TNKS2: variants seen among roughly 807,000 people sequenced by gnomAD.
TNKS2 encodes the protein poly [ADP-ribose] polymerase tankyrase-2.
TNKS2 carries 72 observed loss-of-function variants against 137.6 expected under a neutral mutation model. The ratio of observed to expected loss-of-function variants is 0.52; its 90% CI spans 0.43 to 0.64. TNKS2 has a LOEUF of 0.64. Among genes scored for constraint, TNKS2 ranks in the 30% least tolerant of loss-of-function variants. The pLI is 0.00. For synonymous variants in TNKS2, 516 were observed against 512.1 expected, an observed-to-expected ratio of 1.01 and a Z score of -0.10; for missense variants, 1,049 against 1,410.2, an observed-to-expected ratio of 0.74 and a Z score of 4.10.
Position 91,855,131 on chromosome 10 carries a change from G to A in TNKS2, c.2913+5G>A. On this transcript the variant is annotated splice_donor_5th_base_variant and intron_variant, in intron 22 of 26. Transcript: ENST00000371627. The stretch of plus-strand genomic sequence containing the variant: ...TTTCAGTCTGTGGAGGAAGAGGTAT[G>A]TTCATATAACTTCAATAGTAGGTTT... 1 of 1,559,686 alleles carries A rather than the reference G, an allele frequency of 6.4e-7. No homozygotes were observed. Among genetic ancestry groups the A allele is most frequent in the Non-Finnish European group, 8.8e-7 (1 of 1,131,458 alleles).
chr10:91,836,185 G>A (rs1842013974), intron 12 of TNKS2, among the ~76,000 whole-genome samples: 2 of 151,208 alleles, frequency 1.3e-5, no homozygotes, highest in South Asian at 4.2e-4. Flanking sequence ...TTTTGTTCTT[G>A]TTTAATGCTG....
At chr10:91,826,977 T>C in intron 7 of TNKS2, 40 bp from the exon 8 acceptor site, 1 of 1,432,288 alleles carries the variant, frequency 7.0e-7, no homozygotes, top group Middle Eastern at 1.9e-4. Context: ...CTGAATTCTT[T>C]TAAAAATTGA....
At chr10:91,852,328 T>C (rs10736065) in intron 21 of TNKS2, among the ~76,000 whole-genome samples, 106,152 of 151,740 alleles carry the variant, frequency 0.7, 38,281 homozygotes, top group East Asian at 0.91. Flanking sequence ...GAGGCCGAGG[T>C]GGGCAGATCA....
rs1183318682 is a variant in TNKS2, at chr10:91,828,607, C to A, written c.1104+201C>A. On this transcript the variant is annotated intron_variant, in intron 9 of 26. Coordinates refer to ENST00000371627, the MANE Select transcript of TNKS2 (RefSeq NM_025235.4). ...GCAGAAGCCAATGCTATTATCAGTT[C>A]GAGAATCCTCAGAAAAAAAAAATTA... Among the ~76,000 whole-genome samples, 4 of 151,888 alleles carry A rather than the reference C, an allele frequency of 2.6e-5. No individual in the cohort carries two copies. The South Asian group carries it at 8.3e-4, about 32-fold the overall frequency.
intron 1 of TNKS2, among the ~76,000 whole-genome samples, chr10:91,810,117 T>G (rs1844449423): frequency 6.6e-6 from 1 of 152,136 alleles, no homozygotes; most frequent in African/African-American, 2.4e-5. Context: ...GTGCGGTGGC[T>G]TGTGCCTGTA....
intron 16 of TNKS2, among the ~76,000 whole-genome samples, chr10:91,844,078 A>G (rs1347273173): frequency 6.6e-6 from 1 of 152,180 alleles, no homozygotes; most frequent in Non-Finnish European, 1.5e-5. Context: ...TGTGCTGTGC[A>G]TATTTATGTT....
intron 12 of TNKS2, among the ~76,000 whole-genome samples, chr10:91,836,267 A>G (rs1842016534): frequency 6.6e-6 from 1 of 151,980 alleles, no homozygotes; most frequent in East Asian, 1.9e-4. Flanking sequence ...CTGTTCAAAG[A>G]AGCTTTTTTA....
rs1170871325 is a variant in TNKS2, at chr10:91,841,463, T to G, written c.1839+15T>G. The G allele has an allele frequency of 6.3e-7, 1 of 1,581,864 alleles. No individual in the cohort carries two copies. The highest frequency in any genetic ancestry group is 1.4e-5 in the African/African-American group (1 of 73,542). ...TTCTGCTCCAGGTATATTTAAATACTTAACTGTAAAGAGTATGAATTACAT... is the reference window on the plus strand; with the variant it reads ...TTCTGCTCCAGGTATATTTAAATACGTAACTGTAAAGAGTATGAATTACAT... On this transcript the variant is annotated intron_variant, in intron 15 of 26. Coordinates refer to ENST00000371627, the MANE Select transcript of TNKS2 (RefSeq NM_025235.4).
chr10:91,845,888 C>T lies in TNKS2; in HGVS notation c.2306C>T (p.Ala769Val). The T allele has an allele frequency of 1.3e-6, 2 of 1,594,908 alleles. No homozygotes were observed. Among genetic ancestry groups the T allele is most frequent in the Non-Finnish European group, 1.7e-6 (2 of 1,165,658 alleles). ...QLCALLLAHG[A>V]DPTLKNQEGQ... The stretch of plus-strand genomic sequence containing the variant: ...TGTGCTTTGTTGCTAGCCCATGGAG[C>T]TGACCCGACTCTTAAAAATCAGGAA... Residue 769 changes from alanine (A) to valine (V), a missense_variant, in exon 18 of 27, where the codon GCT becomes GTT. Physicochemically the swap from Ala to Val is moderately conservative, Grantham distance 64 (BLOSUM62 0). This residue lies in a region of TNKS2 where 208 missense variants were observed against 231.2 expected (regional missense o/e 0.90). Coordinates refer to ENST00000371627, the MANE Select transcript of TNKS2 (RefSeq NM_025235.4).
intron 18 of TNKS2, among the ~76,000 whole-genome samples, chr10:91,846,498 G>T (rs1293975203): frequency 1.3e-5 from 2 of 152,232 alleles, no homozygotes; most frequent in Admixed American, 1.3e-4. Flanking sequence ...CATGGAGCAG[G>T]TGTAGGAGCT....
At position 91,798,855 on chromosome 10, in the gene TNKS2, G is replaced by C; in HGVS notation, c.165G>C (p.Ala55=). ...AGAAGGTGAACAGCCGCGACACGGC[G>C]GGCAGGAAATCCACCCCGCTGCACT... ...TPEKVNSRDT[A]GRKSTPLHFA... Residue 55 remains alanine, a synonymous_variant, in exon 1 of 27, where the codon GCG becomes GCC. Coordinates refer to ENST00000371627, the MANE Select transcript of TNKS2 (RefSeq NM_025235.4). 7.3e-7 allele frequency: 1 copy of C among 1,361,600 alleles called. No homozygotes were observed. Among genetic ancestry groups the C allele is most frequent in the Non-Finnish European group, 9.5e-7 (1 of 1,049,102 alleles). The allele number at this position is 1,361,600 out of a possible 1,614,324, so 84.3% of individuals were successfully genotyped here. A position where few individuals can be genotyped will look rare whatever the true frequency, so the allele number is the denominator to read the frequency against.
intron 22 of TNKS2, 134 bp from the exon 23 acceptor site, chr10:91,855,480 T>G: frequency 1.3e-6 from 1 of 788,268 alleles, no homozygotes. Flanking sequence ...CCTCATATTC[T>G]TTGAATAACA....
chr10:91,818,879 T>C (rs2133610964), intron 3 of TNKS2, among the ~76,000 whole-genome samples: 1 of 152,298 alleles, frequency 6.6e-6, no homozygotes, highest in Middle Eastern at 3.4e-3. Flanking sequence ...GTTTCTCTGT[T>C]ATAAAAATAA....
intron 2 of TNKS2, among the ~76,000 whole-genome samples, 161 bp from the exon 3 acceptor site, chr10:91,816,972 TA>T (rs1214423383): frequency 6.6e-6 from 1 of 152,252 alleles, no homozygotes; most frequent in African/African-American, 2.4e-5. Context: ...CTTTATGTAT[TA>T]TTTTTATATT....
At position 91,834,051 on chromosome 10, in the gene TNKS2, T is replaced by G. The variant is rs754957061; in HGVS notation, c.1447+27T>G. The G allele has an allele frequency of 1.1e-5, 16 of 1,494,786 alleles. No homozygotes were observed. In the Admixed American group the frequency reaches 3.7e-4, roughly 35 times the overall value. The allele number at this position is 1,494,786 out of a possible 1,614,324, so 92.6% of individuals were successfully genotyped here. On this transcript the variant is annotated intron_variant, in intron 12 of 26. Coordinates refer to ENST00000371627, the MANE Select transcript of TNKS2 (RefSeq NM_025235.4). ...TATTACATGCTTCAATGAAATTGAT[T>G]TTTTTAAATTAACCTTTAAAAATTT...
intron 14 of TNKS2, 65 bp downstream of exon 14, chr10:91,840,771 G>T: frequency 2.1e-6 from 3 of 1,439,530 alleles, no homozygotes; most frequent in South Asian, 1.4e-5. Flanking sequence ...AGGAAAACCT[G>T]GAAATATAAT....
chr10:91,807,541 C>G (rs1844365387), intron 1 of TNKS2: 2 of 1,074,622 alleles, frequency 1.9e-6, no homozygotes, highest in Non-Finnish European at 2.9e-6. Flanking sequence ...TCCTGCAATG[C>G]CATTCTTTCT....
rs1841836933 is a variant in TNKS2, at chr10:91,832,389, C to CT, written c.1275+1211dup. Reference sequence around the variant, plus strand: ...CTTCACGTTTTTTGGGAACACAGGACTTTCAGTGCTAAAACCAGGAAAGTC... The same window carrying CT: ...CTTCACGTTTTTTGGGAACACAGGACTTTTCAGTGCTAAAACCAGGAAAGTC... On this transcript the variant is annotated intron_variant, in intron 11 of 26. Transcript: ENST00000371627. Among the ~76,000 whole-genome samples, 4 of 152,004 alleles carry CT rather than the reference C, an allele frequency of 2.6e-5. 1 individual carries two copies. The highest frequency in any genetic ancestry group is 2.6e-4 in the Admixed American group (4 of 15,252).
chr10:91,829,810 C>T, intron 9 of TNKS2, among the ~76,000 whole-genome samples: 1 of 152,162 alleles, frequency 6.6e-6, no homozygotes, highest in East Asian at 1.9e-4. Flanking sequence ...GAACAGATTT[C>T]ATGTGTACTG....
Sources: gnomAD v4.1 joint callset for allele counts (sites outside exome capture counted in the v4.1 genomes callset) on GRCh38, gnomAD v4.1.1 for gene constraint, gnomAD v4.1.1 regional missense constraint, MANE v1.5 for transcripts, NCBI Gene and HGNC (gene_info 2026-07-23, HGNC 2026-07-21) for gene names.